GLI3: variants seen among roughly 807,000 people sequenced by gnomAD.
The protein encoded by GLI3 is transcription activator GLI3.
Under a neutral mutation model 100.8 loss-of-function variants are expected in GLI3, and 20 were observed. The ratio of observed to expected loss-of-function variants is 0.20; its 90% confidence interval spans 0.14 to 0.29. The LOEUF (loss-of-function observed/expected upper bound fraction) is 0.29. Among genes scored for constraint, GLI3 ranks in the 10% least tolerant of loss-of-function variants. GLI3 has a pLI of 1.00. For missense variants in GLI3, 2,040 were observed against 2,128.5 expected (o/e 0.96, Z 0.82); for synonymous variants, 938 against 860.5 (o/e 1.09, Z -1.58).
intron 2 of GLI3, among the ~76,000 whole-genome samples, chr7:42,217,880 T>A (rs982968883): frequency 7.9e-5 from 12 of 152,244 alleles, no homozygotes; most frequent in African/African-American, 2.2e-4. Flanking sequence ...ACATGCTTTG[T>A]CCTAATAGCA....
intron 10 of GLI3, among the ~76,000 whole-genome samples, chr7:41,996,932 C>T (rs894049733): frequency 1.2e-4 from 18 of 152,168 alleles, no homozygotes; most frequent in African/African-American, 4.3e-4. Flanking sequence ...TGAAACTAAG[C>T]TCTGTGAATG....
intron 2 of GLI3, among the ~76,000 whole-genome samples, chr7:42,216,827 G>A (rs1457088963): frequency 6.6e-6 from 1 of 152,238 alleles, no homozygotes; most frequent in South Asian, 2.1e-4. Context: ...AAGAGGCCAA[G>A]AGCCCTTGCA....
At chr7:42,182,662 A>ATATATATATACATACATGTGTG (rs1554337072) in intron 2 of GLI3, among the ~76,000 whole-genome samples, 8 of 76,742 alleles carry the variant, frequency 1.0e-4, no homozygotes, top group African/African-American at 5.3e-4. Context: ...ATATATATAT[A>ATATATATATACATACATGTGTG]TATATATATA....
At chr7:42,069,782 A>C (rs1784749645) in intron 4 of GLI3, among the ~76,000 whole-genome samples, 1 of 152,234 alleles carries the variant, frequency 6.6e-6, no homozygotes, top group Non-Finnish European at 1.5e-5. Flanking sequence ...GTATTGCTAA[A>C]GCTGCCACAG....
intron 3 of GLI3, among the ~76,000 whole-genome samples, chr7:42,107,151 G>C (rs1785595936): frequency 1.3e-5 from 2 of 151,808 alleles, no homozygotes; most frequent in Admixed American, 6.6e-5. Context: ...CCCTGTCTCT[G>C]CTCAAAATAA....
At chr7:42,005,782 T>C (rs879888777) in intron 10 of GLI3, among the ~76,000 whole-genome samples, 7 of 152,210 alleles carry the variant, frequency 4.6e-5, no homozygotes, top group Non-Finnish European at 8.8e-5. Context: ...TCTCTTTCCT[T>C]GTTTTGTTCC....
chr7:42,241,764 G>A (rs534433287), upstream of GLI3, among the ~76,000 whole-genome samples: 4 of 152,274 alleles, frequency 2.6e-5, no homozygotes, highest in Admixed American at 2.6e-4. Context: ...AAGTTGGGAA[G>A]ATCTAAAACC....
chr7:42,182,368 T>C (rs2128682595), intron 2 of GLI3, among the ~76,000 whole-genome samples: 1 of 152,078 alleles, frequency 6.6e-6, no homozygotes, highest in East Asian at 1.9e-4. Context: ...GGTACTACTT[T>C]TCCTTTCTTC....
chr7:42,009,300 G>C (rs1788543098), intron 10 of GLI3, among the ~76,000 whole-genome samples: 1 of 152,148 alleles, frequency 6.6e-6, no homozygotes, highest in Non-Finnish European at 1.5e-5. Context: ...AGTGAACCCA[G>C]AGGGTATCAA....
At chr7:42,252,811 C>T (rs1050623657) in intron 1 of GLI3, among the ~76,000 whole-genome samples, 1 of 152,102 alleles carries the variant, frequency 6.6e-6, no homozygotes, top group Non-Finnish European at 1.5e-5. Context: ...CAAATGGTTA[C>T]AGGGAACTTC....
At chr7:42,218,990 A>T (rs561936537) in intron 2 of GLI3, among the ~76,000 whole-genome samples, 16 of 152,248 alleles carry the variant, frequency 1.1e-4, no homozygotes, top group Non-Finnish European at 1.9e-4. Context: ...GAGAATGAGA[A>T]CATGTAGAAC....
intron 3 of GLI3, among the ~76,000 whole-genome samples, chr7:42,118,723 G>C (rs559698220): frequency 6.6e-6 from 1 of 152,304 alleles, no homozygotes; most frequent in South Asian, 2.1e-4. Context: ...GGGCCCAGTG[G>C]CCTTCTGATT....
intron 10 of GLI3, among the ~76,000 whole-genome samples, chr7:42,006,716 G>C (rs988887644): frequency 6.6e-5 from 10 of 152,264 alleles, no homozygotes; most frequent in South Asian, 4.1e-4. Flanking sequence ...ATAACTTCAA[G>C]TGACCCAGCC....
At chr7:42,130,675 G>T (rs181185725) in intron 3 of GLI3, among the ~76,000 whole-genome samples, 84 of 152,020 alleles carry the variant, frequency 5.5e-4, no homozygotes, top group East Asian at 2.7e-3. Flanking sequence ...TAGAATTTTG[G>T]GAAGAAAGAA....
intron 2 of GLI3, among the ~76,000 whole-genome samples, chr7:42,166,829 T>C (rs1187258692): frequency 6.9e-6 from 1 of 144,206 alleles, no homozygotes; most frequent in African/African-American, 2.6e-5. Flanking sequence ...CCAGCTAAAT[T>C]TTTTTTTTTT....
intron 3 of GLI3, among the ~76,000 whole-genome samples, chr7:42,079,508 G>A (rs1784955275): frequency 6.6e-6 from 1 of 152,164 alleles, no homozygotes; most frequent in Non-Finnish European, 1.5e-5. Context: ...AGCTATCACT[G>A]CCAATGCAAA....
intron 7 of GLI3, among the ~76,000 whole-genome samples, chr7:42,029,042 G>A (rs1360677682): frequency 6.6e-6 from 1 of 152,154 alleles, no homozygotes; most frequent in Non-Finnish European, 1.5e-5. Context: ...GACTGCAAGG[G>A]CTATGAGGGA....
At chr7:42,148,844 CTG>C (rs1786786376) in intron 2 of GLI3, among the ~76,000 whole-genome samples, 1 of 152,162 alleles carries the variant, frequency 6.6e-6, no homozygotes, top group Non-Finnish European at 1.5e-5. Flanking sequence ...CAATCTAAGA[CTG>C]TGCATGTCCA....
At chr7:42,238,748 A>G (rs1788888202), upstream of GLI3, among the ~76,000 whole-genome samples, 1 of 152,218 alleles carries the variant, frequency 6.6e-6, no homozygotes, top group Non-Finnish European at 1.5e-5. Flanking sequence ...TAACTTAAAA[A>G]AGGAGTTCTC....
Sources: allele counts gnomAD v4.1 joint callset (sites outside exome capture counted in the v4.1 genomes callset), GRCh38; gene constraint gnomAD v4.1.1; transcripts MANE v1.5; gene names NCBI Gene and HGNC (gene_info 2026-07-23, HGNC 2026-07-21).